Variants in ANXA7 observed in about 807,000 individuals in gnomAD.
ANXA7 encodes annexin VII.
ANXA7 carries 55 observed loss-of-function variants against 64.9 expected under a neutral mutation model. The observed-to-expected ratio is 0.85, with a 90% CI of 0.68 to 1.06. The LOEUF (loss-of-function observed/expected upper bound fraction) is 1.06. Among genes scored for constraint, ANXA7 ranks in the 50% least tolerant of loss-of-function variants. The pLI, the probability that ANXA7 is intolerant of heterozygous loss-of-function variation, is 0.00. For missense variants in ANXA7, 548 were observed against 582.1 expected, an observed-to-expected ratio of 0.94 and a Z score of 0.60; for synonymous variants, 200 against 192.4, an observed-to-expected ratio of 1.04 and a Z score of -0.33.
Position 73,400,842 on chromosome 10 carries a change from G to T in ANXA7, c.15C>A (p.Gly5=). 1 of 1,603,622 alleles carries T rather than the reference G, an allele frequency of 6.2e-7. No homozygotes were observed. The highest frequency in any genetic ancestry group is 8.5e-7 in the Non-Finnish European group (1 of 1,174,360). The change falls in exon 2 of 13, where the codon GGC becomes GGA. Residue 5 remains glycine (G), a synonymous_variant. Coordinates refer to ENST00000372921, the MANE Select transcript of ANXA7 (RefSeq NM_001156.5). ...AAGGTGGGTAGCCTGTTGGGGGATA[G>T]CCTGGGTATGACATTCTGTAACAAC... MSYP[G]YPPTGYPPFP...
intron 1 of ANXA7, among the ~76,000 whole-genome samples, chr10:73,407,581 GT>G (rs1218355651): frequency 6.6e-6 from 1 of 152,158 alleles, no homozygotes. Context: ...GTAAATATAT[GT>G]TTTGGCACTT....
intron 1 of ANXA7, among the ~76,000 whole-genome samples, chr10:73,408,720 GTACCTTATAGAAA>G (rs1378568869): frequency 6.6e-6 from 1 of 152,146 alleles, no homozygotes; most frequent in Non-Finnish European, 1.5e-5. Flanking sequence ...TTCCAGGAAT[GTACCTTATAGAAA>G]TACTTGCACA....
At position 73,378,968 on chromosome 10, in the gene ANXA7, C is replaced by G; in HGVS notation, c.1221G>C (p.Met407Ile). 6.2e-7 allele frequency: 1 copy of G among 1,613,824 alleles called. No homozygotes were observed. Among genetic ancestry groups the G allele is most frequent in the South Asian group, 1.1e-5 (1 of 91,000 alleles). Residue 407 changes from methionine (M) to isoleucine (I), a missense_variant, in exon 12 of 13, where the codon ATG becomes ATC. Met to Ile is a conservative substitution (Grantham distance 10). Coordinates refer to ENST00000372921, the MANE Select transcript of ANXA7 (RefSeq NM_001156.5). ...AFFAERLYYAMKGAGTDDSTL... is the reference protein window; with the variant it reads ...AFFAERLYYAIKGAGTDDSTL... ...TGGAGTCATCTGTGCCAGCACCTTT[C>G]ATAGCATAGTAGAGCCTCTCAGCAA...
chr10:73,395,213 C>G (rs1472089811), intron 5 of ANXA7, among the ~76,000 whole-genome samples: 1 of 152,122 alleles, frequency 6.6e-6, no homozygotes, highest in Non-Finnish European at 1.5e-5. Flanking sequence ...TTGCCCTAGA[C>G]AAGTTTCTCA....
intron 5 of ANXA7, among the ~76,000 whole-genome samples, chr10:73,391,186 A>T (rs574452880): frequency 6.6e-6 from 1 of 151,326 alleles, no homozygotes; most frequent in Non-Finnish European, 1.5e-5. Context: ...AAAAAAAAAA[A>T]AGAGAGAAAT....
intron 5 of ANXA7, among the ~76,000 whole-genome samples, chr10:73,390,279 T>G (rs1564526184): frequency 6.6e-6 from 1 of 152,208 alleles, no homozygotes; most frequent in African/African-American, 2.4e-5. Flanking sequence ...GCAAAGCAAC[T>G]GAGGAGATGA....
In ANXA7 at chr10:73,388,347, T is replaced by A; in HGVS notation, c.503A>T (p.Asp168Val). ...RPAANFDAIR[D>V]AEILRKAMKG... The stretch of plus-strand genomic sequence containing the variant: ...CATTGCCTTACGAAGAATTTCTGCA[T>A]CTCTTATAGCATCGAAGTTGGCAGC... The change falls in exon 6 of 13, where the codon GAT (aspartate) becomes GTT (valine). Residue 168 changes from aspartate to valine, a missense_variant. Transcript: ENST00000372921. 6.2e-7 allele frequency: 1 copy of A among 1,614,094 alleles called. No homozygotes were observed. Among genetic ancestry groups the A allele is most frequent in the Non-Finnish European group, 8.5e-7 (1 of 1,179,948 alleles).
chr10:73,388,146 CTGAGGT>C (rs1564525140), intron 6 of ANXA7, among the ~76,000 whole-genome samples, 160 bp downstream of exon 6: 1 of 152,072 alleles, frequency 6.6e-6, no homozygotes, highest in Non-Finnish European at 1.5e-5. Flanking sequence ...CACACCCAGC[CTGAGGT>C]CATCTCTTAG....
At chr10:73,383,782 T>C in intron 7 of ANXA7, 92 bp from the exon 8 acceptor site, 1 of 870,494 alleles carries the variant, frequency 1.1e-6, no homozygotes, top group Non-Finnish European at 1.8e-6. Context: ...GAAATGGAAT[T>C]GCTTTATAAA....
Position 73,383,564 on chromosome 10 carries a change from C to T in ANXA7, c.747+13G>A, listed in dbSNP as rs142756017. On this transcript the variant is annotated intron_variant, in intron 8 of 12. Transcript: ENST00000372921. The stretch of plus-strand genomic sequence containing the variant: ...AGGACAAAATATTCATAATAAATGA[C>T]ATATAGTAGTACCTGCATTGCTTTC... 2 of 1,561,380 alleles carry T rather than the reference C, an allele frequency of 1.3e-6. No individual in the cohort carries two copies. Among genetic ancestry groups the T allele is most frequent in the Non-Finnish European group, 1.8e-6 (2 of 1,133,040 alleles).
intron 12 of ANXA7, among the ~76,000 whole-genome samples, chr10:73,376,579 G>A (rs1277697130): frequency 6.6e-6 from 1 of 152,230 alleles, no homozygotes; most frequent in African/African-American, 2.4e-5. Context: ...GTAAAAGGGT[G>A]CAGCTGCTGT....
At chr10:73,380,786 T>C (rs1185367823) in intron 9 of ANXA7, among the ~76,000 whole-genome samples, 1 of 152,154 alleles carries the variant, frequency 6.6e-6, no homozygotes, top group Non-Finnish European at 1.5e-5. Context: ...CTAGGAGATA[T>C]TAACTACCAC....
At chr10:73,386,214 TAAA>T (rs377002771) in intron 7 of ANXA7, among the ~76,000 whole-genome samples, 2 of 83,388 alleles carry the variant, frequency 2.4e-5, no homozygotes, top group Non-Finnish European at 2.8e-5. Context: ...CAAAAAAAAG[TAAA>T]AAAAAAAAAA....
intron 7 of ANXA7, 26 bp from the exon 8 acceptor site, chr10:73,383,716 G>A: frequency 7.0e-7 from 1 of 1,422,796 alleles, no homozygotes; most frequent in Non-Finnish European, 9.9e-7. Context: ...TACAAGCTAA[G>A]TATATGTGTT....
At chr10:73,390,703 T>C (rs1249724181) in intron 5 of ANXA7, among the ~76,000 whole-genome samples, 2 of 133,432 alleles carry the variant, frequency 1.5e-5, no homozygotes, top group Non-Finnish European at 3.0e-5. Context: ...AATATATATA[T>C]ATATATATAT....
chr10:73,401,522 C>T lies in ANXA7; in HGVS notation c.-1-665G>A, dbSNP rs192079339. 3.3e-3 allele frequency among the ~76,000 whole-genome samples: 505 copies of T among 151,392 alleles called. 2 individuals carry two copies. In the Middle Eastern group the frequency reaches 0.041, roughly 12 times the overall value. ...TTCTTTTCTCTTTTTTTTTTGGAGACGGAGTCTCACCCTGTTGCCCAGGCT... is the reference window on the plus strand; with the variant it reads ...TTCTTTTCTCTTTTTTTTTTGGAGATGGAGTCTCACCCTGTTGCCCAGGCT... On this transcript the variant is annotated intron_variant, in intron 1 of 12. Coordinates refer to ENST00000372921, the MANE Select transcript of ANXA7 (RefSeq NM_001156.5).
chr10:73,383,695 T>G lies in ANXA7; in HGVS notation c.634-5A>C, dbSNP rs747416168. ...TTTGAGATCTTTGATTAAATCCTAT[T>G]TAATCACAAATACAAGCTAAGTATA... On this transcript the variant is annotated splice_polypyrimidine_tract_variant and splice_region_variant and intron_variant, in intron 7 of 12. Coordinates refer to ENST00000372921, the MANE Select transcript of ANXA7 (RefSeq NM_001156.5). 3 of 1,575,004 alleles carry G rather than the reference T, an allele frequency of 1.9e-6. No homozygotes were observed. The highest frequency in any genetic ancestry group is 3.3e-5 in the Admixed American group (2 of 59,754).
At position 73,387,769 on chromosome 10, in the gene ANXA7, C is replaced by G. The variant is rs1253637272; in HGVS notation, c.553G>C (p.Ala185Pro). ...AMKGFGTDEQ[A>P]IVDVVANRSN... ...CGGTTGGCCACCACATCCACAATTG[C>G]CTGCTCATCTGTCCCTGGAAGAACC... The change falls in exon 7 of 13, where the codon GCA (alanine) becomes CCA (proline). Residue 185 changes from alanine to proline, a missense_variant. Coordinates refer to ENST00000372921, the MANE Select transcript of ANXA7 (RefSeq NM_001156.5). 3 of 1,612,056 alleles carry G rather than the reference C, an allele frequency of 1.9e-6. No individual in the cohort carries two copies. The highest frequency in any genetic ancestry group is 4.5e-5 in the East Asian group (2 of 44,562).
intron 5 of ANXA7, chr10:73,395,983 C>A: frequency 9.6e-7 from 1 of 1,041,894 alleles, no homozygotes; most frequent in South Asian, 1.3e-5. Context: ...ACATGAGAAT[C>A]AGAAACAAAG....
Sources: allele counts gnomAD v4.1 joint callset (sites outside exome capture counted in the v4.1 genomes callset), GRCh38; gene constraint gnomAD v4.1.1; transcripts MANE v1.5; gene names NCBI Gene and HGNC (gene_info 2026-07-23, HGNC 2026-07-21).